The following CLEC17A variants were observed in gnomAD, a reference collection of about 807,000 sequenced individuals.
The protein encoded by CLEC17A is C-type lectin domain containing 17A, also known as C-type lectin domain family 17, member A.
A neutral mutation model predicts 61.3 loss-of-function variants in CLEC17A; 37 were observed. The observed-to-expected ratio is 0.60, with a 90% CI of 0.46 to 0.79. The LOEUF is 0.79. CLEC17A is among the 30% of genes least tolerant of loss of function. The probability of loss-of-function intolerance (pLI) is 0.00; values close to 1 mark genes in which losing one functional copy is unlikely to be tolerated. For missense variants in CLEC17A, 418 were observed against 464.7 expected (o/e 0.90, Z 0.92); for synonymous variants, 168 against 164.9 (o/e 1.02, Z -0.14).
Position 14,589,843 on chromosome 19 carries a change from G to C in CLEC17A, c.199+2152G>C, listed in dbSNP as rs1287868055. Reference sequence around the variant, plus strand: ...GAGGCTAGATCATAGGAGCATGGTGGCTTCTATCTTTGCCTCTGCCATGTT... The same window carrying C: ...GAGGCTAGATCATAGGAGCATGGTGCCTTCTATCTTTGCCTCTGCCATGTT... On this transcript the variant is annotated intron_variant, in intron 3 of 13. Coordinates refer to ENST00000417570, the MANE Select transcript of CLEC17A (RefSeq NM_001204118.2). Among the ~76,000 whole-genome samples, 10 of 141,548 alleles carry C rather than the reference G, an allele frequency of 7.1e-5. No individual in the cohort carries two copies. In the East Asian group the frequency reaches 1.8e-3, roughly 26 times the overall value. The allele number at this position is 141,548 out of a possible 152,430, so 92.9% of individuals were successfully genotyped here.
rs1350811557 is a variant in CLEC17A at position 14,586,774 on chromosome 19, A to C, written c.122-840A>C. On this transcript the variant is annotated intron_variant, in intron 2 of 13. Transcript: ENST00000417570. ...TTTATTGTGTCTCTGGTCTAGATTG[A>C]AGGAAGAAGTTTATCCATCTCTTCC... is the stretch of plus-strand genomic sequence containing the variant. 4.6e-5 allele frequency among the ~76,000 whole-genome samples: 7 copies of C among 152,166 alleles called. No homozygotes were observed. The East Asian group carries it at 7.7e-4, about 17-fold the overall frequency.
At chr19:14,587,007 G>A (rs773875701) in intron 2 of CLEC17A, among the ~76,000 whole-genome samples, 1 of 150,916 alleles carries the variant, frequency 6.6e-6, no homozygotes, top group Non-Finnish European at 1.5e-5. Context: ...ACCTGCCTCA[G>A]CCTCACAAGT....
rs1428562132 is a variant in CLEC17A at position 14,606,619 on chromosome 19, G to A, written c.895-374G>A. Among the ~76,000 whole-genome samples, 8 of 150,800 alleles carry A rather than the reference G, an allele frequency of 5.3e-5. No individual in the cohort carries two copies. The Admixed American group carries it at 5.3e-4, about 10-fold the overall frequency. On this transcript the variant is annotated intron_variant, in intron 12 of 13. Transcript: ENST00000417570. ...CGCTTGAACCCAGGAGGTGGAAGCT[G>A]CAGTGAGCTGAGATCGCACCACAGC...
At position 14,611,886 on chromosome 19, in the gene CLEC17A, C is replaced by T. The variant is rs1459792381; in HGVS notation, c.*1690C>T. Among the ~76,000 whole-genome samples, 3 of 152,076 alleles carry T rather than the reference C, an allele frequency of 2.0e-5. No individual in the cohort carries two copies. The highest frequency in any genetic ancestry group is 4.4e-5 in the Non-Finnish European group (3 of 68,014). The stretch of plus-strand genomic sequence containing the variant: ...GGGCGTGGTGGCATGTGCCTGTAAT[C>T]CCAGCTACTCAGGAGACTAAGGCAC... On this transcript the variant is annotated 3_prime_UTR_variant, in exon 14 of 14. Coordinates refer to ENST00000417570, the MANE Select transcript of CLEC17A (RefSeq NM_001204118.2).
chr19:14,588,044 T>A (rs2074327358), intron 3 of CLEC17A, among the ~76,000 whole-genome samples: 1 of 152,048 alleles, frequency 6.6e-6, no homozygotes, highest in South Asian at 2.1e-4. Flanking sequence ...GTCCCTGAGT[T>A]ACAAAAGCTG....
intron 12 of CLEC17A, among the ~76,000 whole-genome samples, chr19:14,601,982 CG>C (rs534886928): frequency 0.012 from 1,813 of 151,946 alleles, 32 homozygotes; most frequent in African/African-American, 0.041. Flanking sequence ...TTAGTAGAGA[CG>C]GGGTTTCACT....
chr19:14,585,536 A>G (rs1262642629), intron 2 of CLEC17A, among the ~76,000 whole-genome samples: 1 of 151,592 alleles, frequency 6.6e-6, no homozygotes, highest in Non-Finnish European at 1.5e-5. Context: ...TATAGTGGAG[A>G]CCATCCTTTG....
chr19:14,586,498 C>T (rs2074284518), intron 2 of CLEC17A, among the ~76,000 whole-genome samples: 1 of 152,106 alleles, frequency 6.6e-6, no homozygotes, highest in Non-Finnish European at 1.5e-5. Flanking sequence ...TCATGGCTCA[C>T]TGCTGTGTCA....
intron 3 of CLEC17A, among the ~76,000 whole-genome samples, chr19:14,591,444 G>C (rs972617165): frequency 7.1e-6 from 1 of 141,132 alleles, no homozygotes; most frequent in African/African-American, 2.7e-5. Context: ...GTGAGCCACC[G>C]CGCCTGGCCC....
chr19:14,582,871 G>T (rs550997616), upstream of CLEC17A, among the ~76,000 whole-genome samples: 35 of 152,186 alleles, frequency 2.3e-4, no homozygotes, highest in African/African-American at 8.2e-4. Flanking sequence ...GCCTCTAAAA[G>T]TGCTGGGATT....
chr19:14,610,536 C>A lies in CLEC17A; in HGVS notation c.*340C>A. ...GAGGACCCTGGGGCTGGTGTTGAAC[C>A]TGGGATGAAATATCCTGGCGCCTGT... On this transcript the variant is annotated 3_prime_UTR_variant, in exon 14 of 14. Transcript: ENST00000417570. 4.3e-6 allele frequency: 1 copy of A among 230,506 alleles called. No homozygotes were observed. The highest frequency in any genetic ancestry group is 8.7e-6 in the Non-Finnish European group (1 of 114,838). The allele number at this position is 230,506 out of a possible 1,614,324, so 14.3% of individuals were successfully genotyped here.
chr19:14,582,959 G>A, upstream of CLEC17A: 1 of 571,458 alleles, frequency 1.7e-6, no homozygotes, highest in Non-Finnish European at 3.0e-6. Context: ...GAAAGGCTCT[G>A]TGTGTATGTG....
intron 10 of CLEC17A, among the ~76,000 whole-genome samples, chr19:14,598,215 G>A (rs369002846): frequency 1.3e-5 from 2 of 152,026 alleles, no homozygotes; most frequent in East Asian, 3.9e-4. Context: ...TAGCACTTTG[G>A]GTGGCCAAGG....
At chr19:14,595,588 G>A (rs551926411) in intron 8 of CLEC17A, among the ~76,000 whole-genome samples, 72 of 152,296 alleles carry the variant, frequency 4.7e-4, no homozygotes, top group Middle Eastern at 3.4e-3. Flanking sequence ...ATGTACTTAT[G>A]GTTCTGTTGG....
rs150707198 is a variant in CLEC17A at position 14,586,242 on chromosome 19, C to T, written c.122-1372C>T. Among the ~76,000 whole-genome samples the T allele has an allele frequency of 6.6e-3, 1,002 of 151,844 alleles. 15 individuals carry two copies. Among genetic ancestry groups the T allele is most frequent in the African/African-American group, 0.023 (953 of 41,390 alleles). On this transcript the variant is annotated intron_variant, in intron 2 of 13. Coordinates refer to ENST00000417570, the MANE Select transcript of CLEC17A (RefSeq NM_001204118.2). ...CCGGGTTCAAGTGATTCTCCTGACT[C>T]AGCCTCCCTGGCAGCGGGATTACAG...
At chr19:14,605,935 T>C (rs1481818932) in intron 12 of CLEC17A, among the ~76,000 whole-genome samples, 1 of 152,072 alleles carries the variant, frequency 6.6e-6, no homozygotes, top group Non-Finnish European at 1.5e-5. Flanking sequence ...ATATGGGGTC[T>C]CAGTATGTTG....
intron 3 of CLEC17A, among the ~76,000 whole-genome samples, chr19:14,587,907 C>T (rs2074323990): frequency 6.6e-6 from 1 of 151,998 alleles, no homozygotes; most frequent in Non-Finnish European, 1.5e-5. Flanking sequence ...GAGGAGGGGT[C>T]AGGAGATTGG....
intron 13 of CLEC17A, among the ~76,000 whole-genome samples, chr19:14,608,570 T>A (rs2074960524): frequency 6.6e-6 from 1 of 151,622 alleles, no homozygotes; most frequent in African/African-American, 2.4e-5. Flanking sequence ...CTGAAATATA[T>A]CAAGCTCTCC....
At chr19:14,587,055 G>A (rs71334711) in intron 2 of CLEC17A, among the ~76,000 whole-genome samples, 23 of 151,216 alleles carry the variant, frequency 1.5e-4, no homozygotes, top group Non-Finnish European at 3.2e-4. Flanking sequence ...CGCCCGGCTA[G>A]TTTTTGTATT....
Sources: gnomAD v4.1 joint callset for allele counts (sites outside exome capture counted in the v4.1 genomes callset) on GRCh38, gnomAD v4.1.1 for gene constraint, MANE v1.5 for transcripts, NCBI Gene and HGNC (gene_info 2026-07-23, HGNC 2026-07-21) for gene names.